PCSK5: variants seen among roughly 807,000 people sequenced by gnomAD.
PCSK5 encodes the protein prohormone convertase 5.
Under a neutral mutation model 233.2 loss-of-function variants are expected in PCSK5, and 129 were observed. That is an observed-to-expected ratio of 0.55 (90% confidence interval 0.48 to 0.64). PCSK5 has a LOEUF of 0.64. PCSK5 is among the 30% of genes least tolerant of loss of function. The pLI is 0.00. For missense variants in PCSK5, 2,076 were observed against 2,430.1 expected (o/e 0.85, Z 3.06); for synonymous variants, 825 against 879.2 (o/e 0.94, Z 1.09).
chr9:76,196,286 G>A (rs1036616169), intron 20 of PCSK5, among the ~76,000 whole-genome samples: 5 of 152,220 alleles, frequency 3.3e-5, no homozygotes, highest in Non-Finnish European at 2.9e-5. Context: ...CCATGGCTGG[G>A]GGCAAGGAGG....
intron 3 of PCSK5, among the ~76,000 whole-genome samples, chr9:75,997,242 T>C (rs901874074): frequency 1.3e-5 from 2 of 152,190 alleles, no homozygotes; most frequent in African/African-American, 4.8e-5. Context: ...AGTTCTAAAA[T>C]TATCTGAGAC....
chr9:75,912,914 T>A (rs553300220), intron 1 of PCSK5, among the ~76,000 whole-genome samples: 1 of 152,322 alleles, frequency 6.6e-6, no homozygotes, highest in African/African-American at 2.4e-5. Flanking sequence ...TACCAGATCC[T>A]TTCTAGAATG....
intron 24 of PCSK5, among the ~76,000 whole-genome samples, chr9:76,273,435 C>T (rs1827587911): frequency 6.6e-6 from 1 of 151,776 alleles, no homozygotes; most frequent in Admixed American, 6.6e-5. Context: ...ATTTCATTGC[C>T]CCTTCTCAAG....
chr9:76,174,237 G>A (rs1355631550), intron 13 of PCSK5, among the ~76,000 whole-genome samples: 6 of 151,946 alleles, frequency 3.9e-5, no homozygotes, highest in African/African-American at 7.3e-5. Context: ...TTGAATGACC[G>A]ATACCAGGAA....
intron 2 of PCSK5, among the ~76,000 whole-genome samples, chr9:75,943,134 C>T (rs1824398892): frequency 6.6e-6 from 1 of 152,108 alleles, no homozygotes; most frequent in Admixed American, 6.5e-5. Context: ...ATCCACCCGC[C>T]TCTGCCTCCC....
intron 20 of PCSK5, among the ~76,000 whole-genome samples, chr9:76,217,256 G>A (rs1825569527): frequency 6.6e-6 from 1 of 152,198 alleles, no homozygotes; most frequent in African/African-American, 2.4e-5. Context: ...AAGCTGAAGA[G>A]AGATTAAGTA....
intron 14 of PCSK5, 162 bp downstream of exon 14, chr9:76,175,291 C>CGAATA (rs55947300): frequency 0.2 from 102,159 of 508,256 alleles, 12,809 homozygotes; most frequent in Non-Finnish European, 0.24. Flanking sequence ...CGAATCGAAT[C>CGAATA]GAATAGAATA....
At chr9:76,205,812 T>C (rs997141567) in intron 20 of PCSK5, among the ~76,000 whole-genome samples, 2 of 152,208 alleles carry the variant, frequency 1.3e-5, no homozygotes, top group Admixed American at 6.5e-5. Flanking sequence ...GCAGAATTTC[T>C]GACTCTGTGC....
intron 16 of PCSK5, 55 bp downstream of exon 16, chr9:76,181,646 G>T: frequency 8.0e-7 from 1 of 1,257,722 alleles, no homozygotes; most frequent in South Asian, 1.3e-5. Flanking sequence ...GTTTTCATTT[G>T]AGTGACCTCA....
intron 24 of PCSK5, among the ~76,000 whole-genome samples, chr9:76,253,234 CTCT>C (rs978029244): frequency 2.6e-5 from 4 of 151,502 alleles, no homozygotes; most frequent in African/African-American, 4.8e-5. Flanking sequence ...TTCAGGATGC[CTCT>C]TCTTCTTCTT....
rs1379233899 is a variant in PCSK5, at chr9:76,240,709, A to G, written c.3142+25A>G. ...GGTATGTCCTCTTCCTTTGTCACCT[A>G]AAGAGTTGAAATAGCTAAGTCCTTT... On this transcript the variant is annotated intron_variant, in intron 24 of 37. Coordinates refer to ENST00000674117, the MANE Select transcript of PCSK5 (RefSeq NM_001372043.1). 7 of 1,502,508 alleles carry G rather than the reference A, an allele frequency of 4.7e-6. No homozygotes were observed. In the African/African-American group the frequency reaches 6.9e-5, roughly 15 times the overall value. 93.1% of individuals were successfully genotyped at this position (1,502,508 alleles called of 1,614,324 possible).
chr9:76,124,128 G>A (rs533625951), intron 9 of PCSK5, among the ~76,000 whole-genome samples: 2 of 152,214 alleles, frequency 1.3e-5, no homozygotes, highest in African/African-American at 4.8e-5. Context: ...CAGAGCCTGG[G>A]CCCTGAAGTA....
chr9:76,264,731 C>A (rs1022518901), intron 24 of PCSK5, among the ~76,000 whole-genome samples: 16 of 151,858 alleles, frequency 1.1e-4, no homozygotes, highest in Non-Finnish European at 2.9e-5. Flanking sequence ...GTCAGGGTGG[C>A]TATTATCAAG....
intron 5 of PCSK5, among the ~76,000 whole-genome samples, chr9:76,054,783 AACTG>A (rs1829760699): frequency 6.6e-6 from 1 of 152,220 alleles, no homozygotes; most frequent in Non-Finnish European, 1.5e-5. Flanking sequence ...AAAGTCAGGT[AACTG>A]ACATTGATAC....
At chr9:75,908,749 G>A (rs1444132359) in intron 1 of PCSK5, among the ~76,000 whole-genome samples, 3 of 151,996 alleles carry the variant, frequency 2.0e-5, no homozygotes, top group African/African-American at 4.8e-5. Context: ...AACCTCCTTC[G>A]TTTAAACTCT....
chr9:75,968,351 G>A (rs536996342), intron 2 of PCSK5, among the ~76,000 whole-genome samples: 2 of 152,316 alleles, frequency 1.3e-5, no homozygotes, highest in South Asian at 4.1e-4. Context: ...TATCGCTCGC[G>A]CGTTAACAGG....
At chr9:76,116,939 A>G (rs1392586800) in intron 9 of PCSK5, among the ~76,000 whole-genome samples, 1 of 152,166 alleles carries the variant, frequency 6.6e-6, no homozygotes, top group Admixed American at 6.6e-5. Context: ...CAGTTATTCA[A>G]AAGTATGGAT....
chr9:76,258,149 G>A (rs1290505260), intron 24 of PCSK5, among the ~76,000 whole-genome samples: 2 of 152,098 alleles, frequency 1.3e-5, no homozygotes, highest in African/African-American at 4.8e-5. Context: ...TCTCCAGAGG[G>A]GTAGGTGGTA....
At chr9:76,266,011 C>G (rs978598171) in intron 24 of PCSK5, among the ~76,000 whole-genome samples, 4 of 152,190 alleles carry the variant, frequency 2.6e-5, no homozygotes, top group Non-Finnish European at 2.9e-5. Context: ...ATAATTGCAT[C>G]TGATACCTAT....
Sources: allele counts gnomAD v4.1 joint callset (sites outside exome capture counted in the v4.1 genomes callset), GRCh38; gene constraint gnomAD v4.1.1; transcripts MANE v1.5; gene names NCBI Gene and HGNC (gene_info 2026-07-23, HGNC 2026-07-21).